Variants in EDN1 observed in about 807,000 individuals in gnomAD.
The protein encoded by EDN1 is endothelin-1.
EDN1 carries 11 observed loss-of-function variants against 21.7 expected under a neutral mutation model. That is an observed-to-expected ratio of 0.51 (90% CI 0.32 to 0.84). EDN1 has a LOEUF of 0.84. Among genes scored for constraint, EDN1 ranks in the 40% least tolerant of loss-of-function variants. The pLI, the probability that EDN1 is intolerant of heterozygous loss-of-function variation, is 0.03. For synonymous variants in EDN1, 85 were observed against 90.6 expected, an observed-to-expected ratio of 0.94 and a Z score of 0.35; for missense variants, 244 against 262.3, an observed-to-expected ratio of 0.93 and a Z score of 0.48.
intron 2 of EDN1, 70 bp from the exon 3 acceptor site, chr6:12,293,871 G>A: frequency 6.4e-7 from 1 of 1,555,576 alleles, no homozygotes; most frequent in South Asian, 1.1e-5. Context: ...AGTGGAATAG[G>A]TGTGTCCATG....
chr6:12,266,929 T>C, the EDN1 span, among the ~76,000 whole-genome samples: 1 of 152,188 alleles, frequency 6.6e-6, no homozygotes, highest in Non-Finnish European at 1.5e-5. Flanking sequence ...GCAATTAATA[T>C]GTGTGTACCA....
chr6:12,270,742 A>G, the EDN1 span, among the ~76,000 whole-genome samples: 120 of 152,308 alleles, frequency 7.9e-4, no homozygotes, highest in African/African-American at 2.6e-3. Context: ...AAGAATGTGT[A>G]TTCTGTAGCG....
At chr6:12,232,167 T>C in the EDN1 span, among the ~76,000 whole-genome samples, 9 of 131,848 alleles carry the variant, frequency 6.8e-5, no homozygotes, top group African/African-American at 2.3e-4. Context: ...TATAATATAA[T>C]ATAATAAAGT....
At chr6:12,231,037 G>A in the EDN1 span, among the ~76,000 whole-genome samples, 1 of 152,168 alleles carries the variant, frequency 6.6e-6, no homozygotes, top group Non-Finnish European at 1.5e-5. Context: ...TGTGAAAAAT[G>A]ACTTGCCATA....
the EDN1 span, among the ~76,000 whole-genome samples, chr6:12,255,157 C>G: frequency 6.6e-6 from 1 of 152,088 alleles, no homozygotes; most frequent in Non-Finnish European, 1.5e-5. Flanking sequence ...ATAACAAACA[C>G]AAAACTCTTG....
At chr6:12,274,972 T>TGCTCCTTCCTTCCCTCCCTCCCTC in the EDN1 span, among the ~76,000 whole-genome samples, 2 of 145,112 alleles carry the variant, frequency 1.4e-5, no homozygotes, top group Non-Finnish European at 3.0e-5. Context: ...CTTCCTTCCT[T>TGCTCCTTCCTTCCCTCCCTCCCTC]GCTCCTTCCT....
In EDN1 at chr6:12,295,971, C is replaced by T. The variant is rs771627979; in HGVS notation, c.543C>T (p.Thr181=). The T allele has an allele frequency of 6.2e-7, 1 of 1,613,778 alleles. No individual in the cohort carries two copies. Among genetic ancestry groups the T allele is most frequent in the Non-Finnish European group, 8.5e-7 (1 of 1,179,914 alleles). The change falls in exon 5 of 5, where the codon ACC becomes ACT. Residue 181 remains threonine (T), a synonymous_variant. Transcript: ENST00000379375. ...EEHLRQTRSE[T]MRNSVKSSFH... ...TATCTTGCTTTATTAGGTCGGAGAC[C>T]ATGAGAAACAGCGTCAAATCATCTT... is the stretch of plus-strand genomic sequence containing the variant.
At chr6:12,274,205 T>C in the EDN1 span, among the ~76,000 whole-genome samples, 1 of 152,312 alleles carries the variant, frequency 6.6e-6, no homozygotes, top group East Asian at 1.9e-4. Flanking sequence ...GAGTAGGAGA[T>C]ATAACTAATT....
the EDN1 span, among the ~76,000 whole-genome samples, chr6:12,262,545 T>G: frequency 1.3e-5 from 2 of 152,074 alleles, no homozygotes; most frequent in African/African-American, 2.4e-5. Context: ...AAATAGGAAA[T>G]AAAAATGATT....
chr6:12,247,889 C>T, the EDN1 span, among the ~76,000 whole-genome samples: 2 of 151,930 alleles, frequency 1.3e-5, no homozygotes, highest in African/African-American at 4.8e-5. Flanking sequence ...GACAGATCCC[C>T]CTAAAATTCA....
upstream of EDN1, among the ~76,000 whole-genome samples, chr6:12,289,500 C>G (rs907171757): frequency 1.3e-5 from 2 of 152,174 alleles, no homozygotes; most frequent in East Asian, 3.9e-4. Flanking sequence ...ACATCAGCCC[C>G]TGTAGCTCTT....
At chr6:12,280,871 C>A in the EDN1 span, among the ~76,000 whole-genome samples, 1 of 152,112 alleles carries the variant, frequency 6.6e-6, no homozygotes, top group African/African-American at 2.4e-5. Flanking sequence ...CCAGCCTGGG[C>A]AACAGAGCAA....
chr6:12,254,618 A>T, the EDN1 span, among the ~76,000 whole-genome samples: 1 of 152,212 alleles, frequency 6.6e-6, no homozygotes, highest in Non-Finnish European at 1.5e-5. Flanking sequence ...AAGAATTTGG[A>T]AAAGAGAAAA....
chr6:12,246,513 T>A, the EDN1 span, among the ~76,000 whole-genome samples: 1 of 152,198 alleles, frequency 6.6e-6, no homozygotes, highest in Admixed American at 6.5e-5. Flanking sequence ...GGCAAGATCC[T>A]GGGCGTGCAC....
the EDN1 span, among the ~76,000 whole-genome samples, chr6:12,277,528 T>C: frequency 2.4e-4 from 37 of 152,292 alleles, no homozygotes; most frequent in African/African-American, 8.4e-4. Context: ...AGAAATAGAT[T>C]TGGGAGTCGT....
At chr6:12,284,116 A>G in the EDN1 span, among the ~76,000 whole-genome samples, 3 of 152,234 alleles carry the variant, frequency 2.0e-5, no homozygotes, top group Non-Finnish European at 4.4e-5. Context: ...ATTGGAACAC[A>G]TAAGGTACCT....
chr6:12,281,404 C>T, the EDN1 span, among the ~76,000 whole-genome samples: 1 of 152,132 alleles, frequency 6.6e-6, no homozygotes, highest in Non-Finnish European at 1.5e-5. Flanking sequence ...TAAACTTTTC[C>T]AATTGATATG....
At chr6:12,235,335 G>GT in the EDN1 span, among the ~76,000 whole-genome samples, 1 of 152,154 alleles carries the variant, frequency 6.6e-6, no homozygotes, top group African/African-American at 2.4e-5. Flanking sequence ...GCTAATTTTG[G>GT]TAACATGGTG....
At chr6:12,240,035 A>C in the EDN1 span, among the ~76,000 whole-genome samples, 3 of 152,246 alleles carry the variant, frequency 2.0e-5, no homozygotes, top group African/African-American at 7.2e-5. Flanking sequence ...GGTATTATGG[A>C]TAAAATCCAT....
Sources: gnomAD v4.1 joint callset for allele counts (sites outside exome capture counted in the v4.1 genomes callset) on GRCh38, gnomAD v4.1.1 for gene constraint, MANE v1.5 for transcripts, NCBI Gene and HGNC (gene_info 2026-07-23, HGNC 2026-07-21) for gene names.